AFG2A: variants seen among roughly 807,000 people sequenced by gnomAD.
The protein encoded by AFG2A is ATPase family gene 2 protein homolog A.
At chr4:123,017,359 CTT>C in the AFG2A span, among the ~76,000 whole-genome samples, 3 of 74,138 alleles carry the variant, frequency 4.0e-5, no homozygotes, top group African/African-American at 1.1e-4. Context: ...CTTTTGACTT[CTT>C]TTTTTTTTTT....
chr4:123,241,482 G>A, the AFG2A span, among the ~76,000 whole-genome samples: 21 of 152,152 alleles, frequency 1.4e-4, no homozygotes, highest in Non-Finnish European at 2.8e-4. Context: ...TTCAACATAC[G>A]CAAATCAATA....
chr4:123,290,216 T>C, the AFG2A span, among the ~76,000 whole-genome samples: 1 of 152,204 alleles, frequency 6.6e-6, no homozygotes, highest in Non-Finnish European at 1.5e-5. Context: ...AAGTTCCATT[T>C]GTCTATTTTT....
the AFG2A span, among the ~76,000 whole-genome samples, chr4:123,163,717 C>A: frequency 1.3e-5 from 2 of 152,140 alleles, no homozygotes; most frequent in East Asian, 3.9e-4. Context: ...AACATCCAAA[C>A]CCCAGGGACT....
At chr4:123,116,894 A>G in the AFG2A span, among the ~76,000 whole-genome samples, 1 of 152,198 alleles carries the variant, frequency 6.6e-6, no homozygotes, top group Admixed American at 6.5e-5. Context: ...TGAAACTTCT[A>G]CTTTGTAGGT....
the AFG2A span, among the ~76,000 whole-genome samples, chr4:123,105,640 G>A: frequency 6.6e-6 from 1 of 152,134 alleles, no homozygotes; most frequent in South Asian, 2.1e-4. Flanking sequence ...GAGTCTAGAA[G>A]AAGTTGATTC....
At chr4:122,979,387 G>T in the AFG2A span, 2 of 1,613,690 alleles carry the variant, frequency 1.2e-6, no homozygotes, top group Non-Finnish European at 8.5e-7. Context: ...TGTCCCAAAT[G>T]TAAGTCATTT....
the AFG2A span, chr4:123,028,298 C>CT: frequency 1.4e-5 from 23 of 1,614,088 alleles, no homozygotes; most frequent in Non-Finnish European, 1.9e-5. Flanking sequence ...ATTCAGCCAC[C>CT]TAAAGGAGTT....
the AFG2A span, among the ~76,000 whole-genome samples, chr4:123,263,382 G>T: frequency 3.9e-5 from 6 of 152,152 alleles, no homozygotes; most frequent in East Asian, 3.9e-4. Context: ...TCTGTACAAG[G>T]TGTCTTATTT....
chr4:123,076,605 G>T, the AFG2A span, among the ~76,000 whole-genome samples: 4 of 150,098 alleles, frequency 2.7e-5, no homozygotes, highest in East Asian at 2.0e-4. Flanking sequence ...GCCTTTTTTT[G>T]GGGGGTGGGG....
the AFG2A span, among the ~76,000 whole-genome samples, chr4:122,968,871 G>A: frequency 6.6e-6 from 1 of 152,048 alleles, no homozygotes; most frequent in Non-Finnish European, 1.5e-5. Context: ...CCTGATGACT[G>A]AGTCTGAGTA....
At chr4:123,264,186 A>G in the AFG2A span, among the ~76,000 whole-genome samples, 1 of 152,190 alleles carries the variant, frequency 6.6e-6, no homozygotes, top group Non-Finnish European at 1.5e-5. Context: ...TAAGAATGAT[A>G]CAGTGGACTC....
the AFG2A span, among the ~76,000 whole-genome samples, chr4:123,192,668 A>G: frequency 1.8e-4 from 28 of 152,288 alleles, no homozygotes; most frequent in African/African-American, 6.5e-4. Context: ...TAGGACCTTT[A>G]CCAGGACTCT....
chr4:123,240,003 GC>G, the AFG2A span, among the ~76,000 whole-genome samples: 1 of 152,124 alleles, frequency 6.6e-6, no homozygotes, highest in Non-Finnish European at 1.5e-5. Flanking sequence ...CAAAAGGAAA[GC>G]AAGAAAAATC....
chr4:123,060,554 C>A, the AFG2A span, among the ~76,000 whole-genome samples: 1 of 152,172 alleles, frequency 6.6e-6, no homozygotes, highest in Non-Finnish European at 1.5e-5. Context: ...GTACCTTGAC[C>A]CCTTTTAGCC....
the AFG2A span, among the ~76,000 whole-genome samples, chr4:123,310,401 G>A: frequency 0.011 from 1,706 of 152,254 alleles, 26 homozygotes; most frequent in African/African-American, 0.039. Context: ...AATGTAATCC[G>A]TGTTTTCTTT....
chr4:123,072,325 T>C, the AFG2A span, among the ~76,000 whole-genome samples: 14 of 152,158 alleles, frequency 9.2e-5, no homozygotes, highest in African/African-American at 3.4e-4. Flanking sequence ...CAATAGATAA[T>C]CTTCATAATT....
At chr4:123,214,412 C>T in the AFG2A span, among the ~76,000 whole-genome samples, 2 of 151,856 alleles carry the variant, frequency 1.3e-5, no homozygotes, top group Non-Finnish European at 2.9e-5. Context: ...TCAGAGTAAA[C>T]CTAGCAATAG....
At chr4:123,015,873 C>T in the AFG2A span, among the ~76,000 whole-genome samples, 7 of 69,942 alleles carry the variant, frequency 1.0e-4, no homozygotes, top group African/African-American at 2.4e-4. Flanking sequence ...ACCCCCCCAC[C>T]TCCCTCCCGG....
the AFG2A span, among the ~76,000 whole-genome samples, chr4:122,991,541 T>A: frequency 6.6e-6 from 1 of 152,238 alleles, no homozygotes; most frequent in Admixed American, 6.5e-5. Flanking sequence ...AATATATGTC[T>A]GTTGTTTTAA....
Sources: gnomAD v4.1 joint callset for allele counts (sites outside exome capture counted in the v4.1 genomes callset) on GRCh38, gnomAD v4.1.1 for gene constraint, MANE v1.5 for transcripts, NCBI Gene and HGNC (gene_info 2026-07-23, HGNC 2026-07-21) for gene names.